The following LRP5 variants were observed in gnomAD, a reference collection of about 807,000 sequenced individuals.
LRP5 encodes LDL receptor related protein 5, also known as low-density lipoprotein receptor-related protein 5.
LRP5 carries 62 observed loss-of-function variants against 154.1 expected under a neutral mutation model. That is an observed-to-expected ratio of 0.40 (90% CI 0.33 to 0.50). The LOEUF (loss-of-function observed/expected upper bound fraction) is 0.50. LRP5 is among the 20% of genes least tolerant of loss of function. The pLI is 0.55. For synonymous variants in LRP5, 966 were observed against 1,011.5 expected (o/e 0.96, Z 0.85); for missense variants, 1,915 against 2,336.7 (o/e 0.82, Z 3.72).
chr11:68,439,983 G>C, intron 21 of LRP5, 67 bp downstream of exon 21: 1 of 1,396,836 alleles, frequency 7.2e-7, no homozygotes, highest in Non-Finnish European at 9.5e-7. Flanking sequence ...CGTCAGTGCT[G>C]GCCACCGGAG....
Position 68,413,549 on chromosome 11 carries a change from T to A in LRP5, c.2504-140T>A. On this transcript the variant is annotated intron_variant, in intron 11 of 22. Coordinates refer to ENST00000294304, the MANE Select transcript of LRP5 (RefSeq NM_002335.4). The surrounding 1 kb of genome is among the most constrained non-coding windows in gnomAD (Gnocchi z 5.1). ...GCGCTTCAGTGGATCTTGCTGGTTT[T>A]CCAAGGTGGCCAAACACTTTAAGGC... The A allele has an allele frequency of 1.3e-6, 1 of 755,568 alleles. No individual in the cohort carries two copies. The allele number at this position is 755,568 out of a possible 1,614,324, so 46.8% of individuals were successfully genotyped here.
At chr11:68,411,149 A>G (rs1246858872) in intron 10 of LRP5, among the ~76,000 whole-genome samples, 1 of 151,836 alleles carries the variant, frequency 6.6e-6, no homozygotes, top group African/African-American at 2.4e-5. Context: ...TCCAGCACAC[A>G]CTCACCCTGT....
At chr11:68,324,846 A>G (rs985332991) in intron 1 of LRP5, among the ~76,000 whole-genome samples, 5 of 152,014 alleles carry the variant, frequency 3.3e-5, no homozygotes, top group Non-Finnish European at 5.9e-5. Context: ...GTTGGGCATG[A>G]CTGACTTGGA....
chr11:68,382,736 T>G lies in LRP5; in HGVS notation c.1016-3580T>G, dbSNP rs564774819. Among the ~76,000 whole-genome samples the G allele has an allele frequency of 1.1e-4, 17 of 152,178 alleles. No homozygotes were observed. In the South Asian group the frequency reaches 3.5e-3, roughly 32 times the overall value. On this transcript the variant is annotated intron_variant, in intron 5 of 22. Coordinates refer to ENST00000294304, the MANE Select transcript of LRP5 (RefSeq NM_002335.4). The stretch of plus-strand genomic sequence containing the variant: ...GATTGAAGTGTTTGAGGAAGCAAAG[T>G]GAAGTGAGCTTTCCTCTTGCGGCTG...
chr11:68,331,026 A>C (rs997572824), intron 1 of LRP5, among the ~76,000 whole-genome samples: 1 of 152,206 alleles, frequency 6.6e-6, no homozygotes, highest in African/African-American at 2.4e-5. Flanking sequence ...GAAATGAAAA[A>C]ATGTTCTGTG....
At chr11:68,308,524 C>A (rs573129195), upstream of LRP5, among the ~76,000 whole-genome samples, 13 of 152,268 alleles carry the variant, frequency 8.5e-5, no homozygotes, top group South Asian at 2.7e-3. Flanking sequence ...GACAGGCAAC[C>A]GTCTGGGGAA....
At position 68,448,872 on chromosome 11, in the gene LRP5, C is replaced by T. The variant is rs776879888; in HGVS notation, c.4650C>T (p.Ser1550=). The T allele has an allele frequency of 4.1e-5, 66 of 1,612,696 alleles. No individual in the cohort carries two copies. In the East Asian group the frequency reaches 1.1e-3, roughly 27 times the overall value. Residue 1550 remains serine (S), a synonymous_variant, in exon 23 of 23, where the codon AGC becomes AGT. Coordinates refer to ENST00000294304, the MANE Select transcript of LRP5 (RefSeq NM_002335.4). ...CCTGCAGCACCGACGTGTGTGACAG[C>T]GACTACAGCGCCAGCCGCTGGAAGG... ...TTPCSTDVCD[S]DYSASRWKAS...
intron 2 of LRP5, among the ~76,000 whole-genome samples, chr11:68,355,780 G>A (rs1042922074): frequency 3.2e-4 from 48 of 151,988 alleles, no homozygotes; most frequent in Admixed American, 2.4e-3. Flanking sequence ...AAGCCACGTC[G>A]CCCACAGACC....
At chr11:68,319,986 C>T (rs1262180734) in intron 1 of LRP5, among the ~76,000 whole-genome samples, 1 of 151,964 alleles carries the variant, frequency 6.6e-6, no homozygotes, top group Non-Finnish European at 1.5e-5. Context: ...TGGGAGACCC[C>T]CCATGTCTAC....
At position 68,406,507 on chromosome 11, in the gene LRP5, T is replaced by G; in HGVS notation, c.1802-17T>G. ...GGCTGTTGATGTTTAGACTGGAGCC[T>G]CTGTGTTCGCTTCCAGGAACCAACC... On this transcript the variant is annotated splice_polypyrimidine_tract_variant and intron_variant, in intron 8 of 22. Coordinates refer to ENST00000294304, the MANE Select transcript of LRP5 (RefSeq NM_002335.4). The G allele has an allele frequency of 6.2e-7, 1 of 1,613,908 alleles. No homozygotes were observed. The highest frequency in any genetic ancestry group is 8.5e-7 in the Non-Finnish European group (1 of 1,179,912).
chr11:68,333,880 C>T (rs570487069), intron 1 of LRP5, among the ~76,000 whole-genome samples: 6 of 152,208 alleles, frequency 3.9e-5, no homozygotes, highest in Non-Finnish European at 7.3e-5. Context: ...GTGCAGGGGC[C>T]GGCAGTGCGC....
chr11:68,405,062 G>C (rs2098654820), intron 8 of LRP5, among the ~76,000 whole-genome samples: 1 of 152,030 alleles, frequency 6.6e-6, no homozygotes, highest in African/African-American at 2.4e-5. Flanking sequence ...GAGAGGCTGA[G>C]GCGGAGAATT....
chr11:68,445,462 T>A, intron 21 of LRP5: 1 of 451,766 alleles, frequency 2.2e-6, no homozygotes, highest in Non-Finnish European at 3.9e-6. Flanking sequence ...AAACAGGACT[T>A]CACCCGGGTC....
chr11:68,335,639 C>A (rs1470778626), intron 1 of LRP5, among the ~76,000 whole-genome samples: 1 of 152,088 alleles, frequency 6.6e-6, no homozygotes, highest in Non-Finnish European at 1.5e-5. Flanking sequence ...ATAACTCATA[C>A]CTGAATAAAG....
At chr11:68,377,826 G>A (rs2098638177) in intron 5 of LRP5, among the ~76,000 whole-genome samples, 2 of 152,216 alleles carry the variant, frequency 1.3e-5, no homozygotes, top group African/African-American at 4.8e-5. Context: ...GGGCAGCAGA[G>A]GCCGATTCTC....
chr11:68,398,892 G>C (rs2098651072), intron 7 of LRP5, among the ~76,000 whole-genome samples: 1 of 152,034 alleles, frequency 6.6e-6, no homozygotes. Flanking sequence ...GTGCCACCAA[G>C]CCCGGCTAAT....
chr11:68,373,753 C>T (rs1462038893), intron 5 of LRP5, among the ~76,000 whole-genome samples: 1 of 152,238 alleles, frequency 6.6e-6, no homozygotes, highest in Non-Finnish European at 1.5e-5. Flanking sequence ...CTAAAAACAG[C>T]AGGAGTGAGG....
chr11:68,409,675 C>T (rs935381292), intron 9 of LRP5, among the ~76,000 whole-genome samples: 2 of 151,770 alleles, frequency 1.3e-5, no homozygotes, highest in African/African-American at 4.8e-5. Context: ...GGTGAAACCC[C>T]ATCTCTACTA....
At chr11:68,351,470 T>C (rs1288907781) in intron 2 of LRP5, among the ~76,000 whole-genome samples, 1 of 152,070 alleles carries the variant, frequency 6.6e-6, no homozygotes, top group African/African-American at 2.4e-5. Context: ...GCATCTGCAG[T>C]AGTCGGAGAG....
Sources: gnomAD v4.1 joint callset for allele counts (sites outside exome capture counted in the v4.1 genomes callset) on GRCh38, gnomAD v4.1.1 for gene constraint, Gnocchi (gnomAD v3.1) non-coding constraint, MANE v1.5 for transcripts, NCBI Gene and HGNC (gene_info 2026-07-23, HGNC 2026-07-21) for gene names.